GAP43: variants seen among roughly 807,000 people sequenced by gnomAD.
GAP43 encodes the protein growth associated protein 43.
GAP43 carries 6 observed loss-of-function variants against 18.6 expected under a neutral mutation model. The observed-to-expected ratio is 0.32, with a 90% CI of 0.18 to 0.64. GAP43 has a LOEUF of 0.64. Ranked by LOEUF, GAP43 falls within the 30% of genes least tolerant of loss-of-function variation. The pLI, the probability that GAP43 is intolerant of heterozygous loss-of-function variation, is 0.78. For missense variants in GAP43, 292 were observed against 295.5 expected, an observed-to-expected ratio of 0.99 and a Z score of 0.09; for synonymous variants, 115 against 111.4, an observed-to-expected ratio of 1.03 and a Z score of -0.20.
intron 2 of GAP43, among the ~76,000 whole-genome samples, chr3:115,701,617 T>C (rs1709298369): frequency 6.6e-6 from 1 of 152,086 alleles, no homozygotes; most frequent in African/African-American, 2.4e-5. Context: ...CTTGGACCTA[T>C]AATTAGGAGG....
intron 1 of GAP43, among the ~76,000 whole-genome samples, chr3:115,637,190 A>G (rs1373128782): frequency 6.6e-6 from 1 of 151,998 alleles, no homozygotes; most frequent in East Asian, 1.9e-4. Flanking sequence ...TTTGGCATTC[A>G]TCAAGCAGAG....
intron 2 of GAP43, among the ~76,000 whole-genome samples, chr3:115,694,430 G>A (rs1319973021): frequency 6.6e-6 from 1 of 152,154 alleles, no homozygotes; most frequent in Non-Finnish European, 1.5e-5. Flanking sequence ...CTTTGGTCTG[G>A]CTTCACTTAT....
intron 2 of GAP43, among the ~76,000 whole-genome samples, chr3:115,707,757 G>A (rs1385816400): frequency 1.3e-5 from 2 of 152,026 alleles, no homozygotes; most frequent in African/African-American, 4.8e-5. Flanking sequence ...TAAAATTAAA[G>A]TTAGCAAAAA....
intron 2 of GAP43, among the ~76,000 whole-genome samples, chr3:115,689,831 G>C (rs542843200): frequency 6.6e-6 from 1 of 152,244 alleles, no homozygotes; most frequent in East Asian, 1.9e-4. Context: ...ATCGATCAGG[G>C]GAGGCAGAAA....
chr3:115,650,975 T>A (rs908341616), intron 1 of GAP43, among the ~76,000 whole-genome samples: 2 of 151,582 alleles, frequency 1.3e-5, no homozygotes, highest in Non-Finnish European at 2.9e-5. Context: ...AAAATAAAAA[T>A]AAAAAAATTA....
chr3:115,641,582 A>G (rs72961650), intron 1 of GAP43, among the ~76,000 whole-genome samples: 1 of 150,898 alleles, frequency 6.6e-6, no homozygotes, highest in African/African-American at 2.4e-5. Flanking sequence ...TAAAAGGCTC[A>G]TTACTGAGAT....
At chr3:115,628,627 T>G (rs1291896677) in intron 1 of GAP43, among the ~76,000 whole-genome samples, 1 of 152,192 alleles carries the variant, frequency 6.6e-6, no homozygotes, top group Non-Finnish European at 1.5e-5. Context: ...TTCCTGAAAC[T>G]GTCCCCTTAC....
intron 1 of GAP43, among the ~76,000 whole-genome samples, chr3:115,662,587 T>C (rs969232140): frequency 1.3e-5 from 2 of 152,338 alleles, no homozygotes; most frequent in Admixed American, 1.3e-4. Flanking sequence ...TACAGTAATA[T>C]GGGAAATTCT....
chr3:115,675,491 G>T (rs1262260282), intron 1 of GAP43, among the ~76,000 whole-genome samples: 1 of 152,132 alleles, frequency 6.6e-6, no homozygotes, highest in African/African-American at 2.4e-5. Context: ...GCCAGATGCG[G>T]TGGCTCACGC....
At chr3:115,712,548 G>A (rs1190315047) in intron 2 of GAP43, among the ~76,000 whole-genome samples, 6 of 152,090 alleles carry the variant, frequency 3.9e-5, no homozygotes, top group Admixed American at 6.5e-5. Flanking sequence ...TTAAAATCTC[G>A]ACAAACTACA....
At chr3:115,673,689 C>G (rs1379170434) in intron 1 of GAP43, among the ~76,000 whole-genome samples, 1 of 152,228 alleles carries the variant, frequency 6.6e-6, no homozygotes, top group African/African-American at 2.4e-5. Context: ...GGGACAGCTG[C>G]TCCTGTGTCT....
chr3:115,708,997 A>G (rs1448526384), intron 2 of GAP43, among the ~76,000 whole-genome samples: 1 of 124,156 alleles, frequency 8.1e-6, no homozygotes, highest in Non-Finnish European at 1.6e-5. Flanking sequence ...GGACATTTAT[A>G]AAATCTGAAA....
In GAP43 at chr3:115,623,538, G is replaced by A. The variant is rs906117035; in HGVS notation, c.-152G>A. 30 of 839,848 alleles carry A rather than the reference G, an allele frequency of 3.6e-5. No homozygotes were observed. The highest frequency in any genetic ancestry group is 8.4e-5 in the Admixed American group (4 of 47,640). 52.0% of individuals were successfully genotyped at this position (839,848 alleles called of 1,614,324 possible). A position where few individuals can be genotyped will look rare whatever the true frequency, so the allele number is the denominator to read the frequency against. ...GTTGCTGCTAACTGCCCTGGTGTGTGTGAGGGAGAGAGAGGGAGGGAGGGA... is the reference window on the plus strand; with the variant it reads ...GTTGCTGCTAACTGCCCTGGTGTGTATGAGGGAGAGAGAGGGAGGGAGGGA... On this transcript the variant is annotated 5_prime_UTR_variant, in exon 1 of 3. The change creates a new upstream start codon in the 5' untranslated region. Transcript: ENST00000305124.
chr3:115,696,239 C>A (rs941101069), intron 2 of GAP43, among the ~76,000 whole-genome samples: 2 of 151,912 alleles, frequency 1.3e-5, no homozygotes, highest in Admixed American at 1.3e-4. Context: ...TCTGAACTTA[C>A]TCCTTCTCCC....
chr3:115,689,143 G>T (rs1189621604), intron 2 of GAP43, among the ~76,000 whole-genome samples: 1 of 152,160 alleles, frequency 6.6e-6, no homozygotes, highest in East Asian at 1.9e-4. Context: ...CCCTTACTCA[G>T]ACAAGTCTTC....
intron 1 of GAP43, among the ~76,000 whole-genome samples, chr3:115,626,328 C>T (rs1708187568): frequency 6.6e-6 from 1 of 152,198 alleles, no homozygotes; most frequent in South Asian, 2.1e-4. Flanking sequence ...AGGGCTTGCA[C>T]TTCCTTCCTC....
At chr3:115,681,938 GA>G (rs1424017568) in intron 2 of GAP43, among the ~76,000 whole-genome samples, 1 of 152,162 alleles carries the variant, frequency 6.6e-6, no homozygotes, top group Middle Eastern at 3.2e-3. Flanking sequence ...GCTGAACCCT[GA>G]CACTTATCCA....
intron 1 of GAP43, among the ~76,000 whole-genome samples, chr3:115,675,293 A>G (rs769027395): frequency 6.6e-5 from 10 of 152,114 alleles, no homozygotes; most frequent in Non-Finnish European, 1.2e-4. Context: ...GATGGTCTCG[A>G]ACTCCTATGC....
chr3:115,662,906 A>G (rs895809439), intron 1 of GAP43, among the ~76,000 whole-genome samples: 1 of 152,232 alleles, frequency 6.6e-6, no homozygotes, highest in Non-Finnish European at 1.5e-5. Flanking sequence ...CAAAGATTAG[A>G]TTATTATTAA....
Sources: allele counts gnomAD v4.1 joint callset (sites outside exome capture counted in the v4.1 genomes callset), GRCh38; gene constraint gnomAD v4.1.1; transcripts MANE v1.5; gene names NCBI Gene and HGNC (gene_info 2026-07-23, HGNC 2026-07-21).